Variants in PRKCQ observed in about 807,000 individuals in gnomAD.
PRKCQ encodes protein kinase C theta.
In PRKCQ, 41 loss-of-function variants were observed where a neutral mutation model predicts 91.2. The ratio of observed to expected loss-of-function variants is 0.45; its 90% confidence interval spans 0.35 to 0.58. The LOEUF is 0.58. PRKCQ is among the 20% of genes least tolerant of loss of function. The pLI, the probability that PRKCQ is intolerant of heterozygous loss-of-function variation, is 0.00. For synonymous variants in PRKCQ, 307 were observed against 316.9 expected, an observed-to-expected ratio of 0.97 and a Z score of 0.33; for missense variants, 673 against 896.5, an observed-to-expected ratio of 0.75 and a Z score of 3.18.
In PRKCQ at chr10:6,511,139, G is replaced by A; in HGVS notation, c.174C>T (p.Ser58=). ...CCTTGTTGATATGGGCATCAAAAGT[G>A]CTGTCCCAGGGTGGGTACATGGTAG... ...KKPTMYPPWD[S]TFDAHINKGR... The change falls in exon 3 of 18, where the codon AGC becomes AGT. Residue 58 remains serine (S), a synonymous_variant. Coordinates refer to ENST00000263125, the MANE Select transcript of PRKCQ (RefSeq NM_006257.5). 23 of 1,614,124 alleles carry A rather than the reference G, an allele frequency of 1.4e-5. No homozygotes were observed. The highest frequency in any genetic ancestry group is 1.8e-5 in the Non-Finnish European group (21 of 1,180,018).
intron 1 of PRKCQ, among the ~76,000 whole-genome samples, chr10:6,570,342 T>C (rs1307404583): frequency 6.6e-6 from 1 of 152,010 alleles, no homozygotes; most frequent in Non-Finnish European, 1.5e-5. Flanking sequence ...AGGAAGTAGC[T>C]GGAGGAAGGT....
the PRKCQ span, among the ~76,000 whole-genome samples, chr10:6,401,485 T>C: frequency 6.6e-6 from 1 of 152,138 alleles, no homozygotes; most frequent in Non-Finnish European, 1.5e-5. Flanking sequence ...ATCCATATAG[T>C]TCTCCTCTGT....
the PRKCQ span, among the ~76,000 whole-genome samples, chr10:6,420,790 T>C: frequency 1.3e-5 from 2 of 152,236 alleles, no homozygotes; most frequent in South Asian, 4.1e-4. Context: ...TCTTTTGCTT[T>C]TTATGGGAGG....
At chr10:6,523,432 C>T (rs1215230588) in intron 1 of PRKCQ, among the ~76,000 whole-genome samples, 4 of 152,128 alleles carry the variant, frequency 2.6e-5, no homozygotes, top group Non-Finnish European at 4.4e-5. Flanking sequence ...GCCTGGGCGA[C>T]AAAGCAAGAC....
chr10:6,395,627 C>A, the PRKCQ span, among the ~76,000 whole-genome samples: 1 of 152,076 alleles, frequency 6.6e-6, no homozygotes, highest in Non-Finnish European at 1.5e-5. Flanking sequence ...GCAGTCTAGT[C>A]CCCAGGTAAG....
chr10:6,479,572 G>A (rs11259097), intron 11 of PRKCQ, among the ~76,000 whole-genome samples: 20,184 of 151,832 alleles, frequency 0.13, 1,651 homozygotes, highest in Non-Finnish European at 0.18. Context: ...CTAGCTTTAC[G>A]TTTTACCCAG....
chr10:6,410,208 T>G, the PRKCQ span, among the ~76,000 whole-genome samples: 3 of 152,256 alleles, frequency 2.0e-5, no homozygotes, highest in Non-Finnish European at 2.9e-5. Context: ...CTTTCTTATT[T>G]CCTGCTTTGG....
intron 1 of PRKCQ, among the ~76,000 whole-genome samples, chr10:6,517,662 A>C (rs1246537738): frequency 7.8e-6 from 1 of 127,994 alleles, no homozygotes; most frequent in Admixed American, 9.9e-5. Context: ...ATCAGACTGG[A>C]TCACCAGAGT....
chr10:6,487,029 A>G (rs749933804), intron 8 of PRKCQ, among the ~76,000 whole-genome samples: 3 of 152,194 alleles, frequency 2.0e-5, no homozygotes, highest in Admixed American at 2.0e-4. Context: ...GTGTGGAAAC[A>G]TAAAGCCACA....
At chr10:6,433,507 G>A (rs150076919) in intron 16 of PRKCQ, among the ~76,000 whole-genome samples, 6 of 152,100 alleles carry the variant, frequency 3.9e-5, no homozygotes, top group African/African-American at 7.2e-5. Context: ...TGCAGATCAC[G>A]CATCTTCTAT....
intron 16 of PRKCQ, among the ~76,000 whole-genome samples, chr10:6,435,062 C>G (rs1292820502): frequency 6.6e-6 from 1 of 152,148 alleles, no homozygotes; most frequent in Non-Finnish European, 1.5e-5. Flanking sequence ...CTACAGGCGC[C>G]CACCACCACA....
intron 8 of PRKCQ, among the ~76,000 whole-genome samples, chr10:6,486,508 T>C (rs1430583363): frequency 6.6e-6 from 1 of 152,164 alleles, no homozygotes; most frequent in East Asian, 1.9e-4. Flanking sequence ...AATTTGCATG[T>C]AGTTAAAAGT....
chr10:6,519,301 CG>C (rs1444147031), intron 1 of PRKCQ, among the ~76,000 whole-genome samples: 1 of 152,136 alleles, frequency 6.6e-6, no homozygotes, highest in Non-Finnish European at 1.5e-5. Context: ...AAATTTCAGT[CG>C]GTCTCATCTT....
chr10:6,395,288 T>G, the PRKCQ span, among the ~76,000 whole-genome samples: 15 of 151,770 alleles, frequency 9.9e-5, no homozygotes, highest in Non-Finnish European at 1.2e-4. Context: ...ATGGTCTCGA[T>G]CTCCTGACCT....
chr10:6,485,884 G>T, intron 9 of PRKCQ, 151 bp downstream of exon 9: 1 of 612,504 alleles, frequency 1.6e-6, no homozygotes, highest in Non-Finnish European at 2.9e-6. Flanking sequence ...TAGGGGGTGT[G>T]GGCATGGATA....
chr10:6,447,638 C>T (rs1474478459), intron 15 of PRKCQ, among the ~76,000 whole-genome samples: 1 of 152,128 alleles, frequency 6.6e-6, no homozygotes, highest in African/African-American at 2.4e-5. Context: ...GCTCCTGACT[C>T]TGCTACGAAA....
chr10:6,461,009 T>TATCC lies in PRKCQ; in HGVS notation c.1508+1290_1508+1293dup, dbSNP rs1050597032. ...ATCCATTCCTCATCCATCCATCATT[T>TATCC]ATCCATCCATCCATCCAGGTACATC... On this transcript the variant is annotated intron_variant, in intron 14 of 17. Transcript: ENST00000263125. Among the ~76,000 whole-genome samples, 15 of 151,088 alleles carry TATCC rather than the reference T, an allele frequency of 9.9e-5. 1 individual carries two copies. Among genetic ancestry groups the TATCC allele is most frequent in the Middle Eastern group, 6.9e-3 (2 of 288 alleles).
chr10:6,515,072 C>T lies in PRKCQ; in HGVS notation c.64G>A (p.Gly22Ser). Residue 22 changes from glycine to serine, a missense_variant, in exon 2 of 18, where the codon GGC becomes AGC. Coordinates refer to ENST00000263125, the MANE Select transcript of PRKCQ (RefSeq NM_006257.5). ...FDCGSCQSCQ[G>S]EAVNPYCAVL... ...GCACAGTAAGGGTTAACAGCCTCGC[C>T]CTGACAAGACTGGCAGGACCCGCAG... 1 of 1,613,916 alleles carries T rather than the reference C, an allele frequency of 6.2e-7. No individual in the cohort carries two copies. Among genetic ancestry groups the T allele is most frequent in the Non-Finnish European group, 8.5e-7 (1 of 1,179,956 alleles).
chr10:6,536,789 A>G (rs1588396477), intron 1 of PRKCQ, among the ~76,000 whole-genome samples: 1 of 152,208 alleles, frequency 6.6e-6, no homozygotes, highest in African/African-American at 2.4e-5. Context: ...TGAAATTCCA[A>G]TAGGTTTTCT....
Sources: allele counts gnomAD v4.1 joint callset (sites outside exome capture counted in the v4.1 genomes callset), GRCh38; gene constraint gnomAD v4.1.1; transcripts MANE v1.5; gene names NCBI Gene and HGNC (gene_info 2026-07-23, HGNC 2026-07-21).